The following DNAH8 variants were observed in gnomAD, a reference collection of about 807,000 sequenced individuals.
The protein encoded by DNAH8 is dynein axonemal heavy chain 8.
In DNAH8, 382 loss-of-function variants were observed where a neutral mutation model predicts 562.1. That is an observed-to-expected ratio of 0.68 (90% CI 0.63 to 0.74). DNAH8 has a LOEUF of 0.74. Among genes scored for constraint, DNAH8 ranks in the 30% least tolerant of loss-of-function variants. The pLI is 0.00. For synonymous variants in DNAH8, 1,881 were observed against 1,919.4 expected (o/e 0.98, Z 0.52); for missense variants, 5,203 against 5,620.4 (o/e 0.93, Z 2.37).
intron 45 of DNAH8, among the ~76,000 whole-genome samples, 159 bp from the exon 46 acceptor site, chr6:38,866,432 C>A (rs1365851222): frequency 1.3e-5 from 2 of 151,988 alleles, no homozygotes; most frequent in Non-Finnish European, 2.9e-5. Context: ...TATTAATATA[C>A]ATGGTCTAAT....
At chr6:39,026,333 G>T (rs1767277053) in intron 91 of DNAH8, among the ~76,000 whole-genome samples, 1 of 152,136 alleles carries the variant, frequency 6.6e-6, no homozygotes, top group Non-Finnish European at 1.5e-5. Context: ...CTGCTTTCCT[G>T]CTGTCAGCAG....
At chr6:38,966,246 T>C (rs1477393632) in intron 82 of DNAH8, among the ~76,000 whole-genome samples, 3 of 152,012 alleles carry the variant, frequency 2.0e-5, no homozygotes, top group African/African-American at 7.2e-5. Flanking sequence ...ATAACCTAGA[T>C]GAAATGGAAA....
At chr6:38,925,325 T>C (rs1374048711) in intron 73 of DNAH8, among the ~76,000 whole-genome samples, 2 of 144,902 alleles carry the variant, frequency 1.4e-5, no homozygotes, top group Non-Finnish European at 3.0e-5. Flanking sequence ...TTTTATTTTA[T>C]TTTATTTTAT....
chr6:38,715,436 C>A (rs1228184539), intron 1 of DNAH8, 21 bp downstream of exon 1: 2 of 152,506 alleles, frequency 1.3e-5, no homozygotes, highest in Admixed American at 6.5e-5. Context: ...GGTCGGAGCG[C>A]GCTGTGAGCG....
chr6:38,919,980 C>T (rs1475891305), intron 70 of DNAH8, among the ~76,000 whole-genome samples: 2 of 152,092 alleles, frequency 1.3e-5, no homozygotes, highest in Non-Finnish European at 2.9e-5. Flanking sequence ...ATGAGCAAAT[C>T]TAAGAACCTA....
chr6:38,770,317 T>A, intron 11 of DNAH8, 96 bp from the exon 12 acceptor site: 1 of 667,310 alleles, frequency 1.5e-6, no homozygotes, highest in Non-Finnish European at 2.4e-6. Context: ...ATTTTCACAG[T>A]TTGATCAGTT....
rs566236960 is a variant in DNAH8 at position 38,729,844 on chromosome 6, A to T, written c.526-58A>T. On this transcript the variant is annotated intron_variant, in intron 3 of 92. Coordinates refer to ENST00000327475, the MANE Select transcript of DNAH8 (RefSeq NM_001206927.2). The stretch of plus-strand genomic sequence containing the variant: ...TTTGAGCTTCATCTTCTTCATCTGC[A>T]AAATACTAAGAATTTTTCCTTAGTC... The T allele has an allele frequency of 3.1e-5, 29 of 946,472 alleles. No individual in the cohort carries two copies. The African/African-American group carries it at 4.4e-4, about 14-fold the overall frequency. The allele number at this position is 946,472 out of a possible 1,614,324, so 58.6% of individuals were successfully genotyped here. A position where few individuals can be genotyped will look rare whatever the true frequency, so the allele number is the denominator to read the frequency against.
chr6:38,781,435 A>G lies in DNAH8; in HGVS notation c.2259+62A>G, dbSNP rs1738251. The G allele has an allele frequency of 0.11, 125,193 of 1,175,654 alleles. 10,887 individuals carry two copies. Among genetic ancestry groups the G allele is most frequent in the East Asian group, 0.46 (19,670 of 42,746 alleles). The allele number at this position is 1,175,654 out of a possible 1,614,324, so 72.8% of individuals were successfully genotyped here. A position where few individuals can be genotyped will look rare whatever the true frequency, so the allele number is the denominator to read the frequency against. ...GTGGTTTTAATATAACAAATATATC[A>G]TATCCTATAATATTTGTGTGCATTA... On this transcript the variant is annotated intron_variant, in intron 16 of 92. Transcript: ENST00000327475.
Position 38,823,410 on chromosome 6 carries a change from G to A in DNAH8, c.3721-152G>A, listed in dbSNP as rs542136815. 2.8e-5 allele frequency: 17 copies of A among 607,724 alleles called. No individual in the cohort carries two copies. In the East Asian group the frequency reaches 4.3e-4, roughly 15 times the overall value. 37.6% of individuals were successfully genotyped at this position (607,724 alleles called of 1,614,324 possible). ...TGCCCTGCAGACTGTGAAATTCCTC[G>A]CTTCCTGGTGGACACCCTATTTCTT... On this transcript the variant is annotated intron_variant, in intron 27 of 92. Coordinates refer to ENST00000327475, the MANE Select transcript of DNAH8 (RefSeq NM_001206927.2).
chr6:38,793,557 T>G (rs1016457986), intron 21 of DNAH8, among the ~76,000 whole-genome samples: 2 of 152,230 alleles, frequency 1.3e-5, no homozygotes, highest in Non-Finnish European at 1.5e-5. Context: ...TAAAGAACAT[T>G]TAACTGTGTT....
At position 39,012,506 on chromosome 6, in the gene DNAH8, G is replaced by A; in HGVS notation, c.13583G>A (p.Arg4528Lys). The A allele has an allele frequency of 1.2e-6, 2 of 1,614,134 alleles. No homozygotes were observed. The highest frequency in any genetic ancestry group is 2.2e-5 in the South Asian group (2 of 91,076). Residue 4528 changes from arginine (R) to lysine (K), a missense_variant, in exon 91 of 93, where the codon AGA becomes AAA. Arg to Lys is a conservative substitution (Grantham distance 26, BLOSUM62 2). Around this residue, in one of 6 missense-constraint regions of DNAH8, gnomAD observed 1,399 missense variants for 1,518.4 expected, o/e 0.92. Transcript: ENST00000327475. ...YDARIPQLWK[R>K]VSWDSSTLGF... ...GCTCGTATACCTCAGCTCTGGAAAAGAGTGTCTTGGGATTCGTCCACACTG... is the reference window on the plus strand; with the variant it reads ...GCTCGTATACCTCAGCTCTGGAAAAAAGTGTCTTGGGATTCGTCCACACTG...
In DNAH8 at chr6:38,759,885, C is replaced by G. The variant is rs142621879; in HGVS notation, c.1516-1817C>G. Among the ~76,000 whole-genome samples, 555 of 152,224 alleles carry G rather than the reference C, an allele frequency of 3.6e-3. 3 individuals carry two copies. The highest frequency in any genetic ancestry group is 0.013 in the African/African-American group (528 of 41,520). On this transcript the variant is annotated intron_variant, in intron 10 of 92. Transcript: ENST00000327475. ...CCCTTGGCTATACATTCCTGCTTGC[C>G]CATGCTGTGTTCAGAGTTGAGCCCA... is the stretch of plus-strand genomic sequence containing the variant.
intron 49 of DNAH8, 105 bp from the exon 50 acceptor site, chr6:38,872,431 C>G: frequency 7.9e-7 from 1 of 1,261,420 alleles, no homozygotes; most frequent in Non-Finnish European, 1.1e-6. Flanking sequence ...GAACTAGTTA[C>G]GTTAATGAAG....
Position 39,004,476 on chromosome 6 carries a change from T to A in DNAH8, c.13215-4338T>A, listed in dbSNP as rs1490201125. On this transcript the variant is annotated intron_variant, in intron 88 of 92. Coordinates refer to ENST00000327475, the MANE Select transcript of DNAH8 (RefSeq NM_001206927.2). Reference sequence around the variant, plus strand: ...GTATACTCCACCATGAGGGGGACATTCTTTTATGGATGATAAACTCTTCTA... The same window carrying A: ...GTATACTCCACCATGAGGGGGACATACTTTTATGGATGATAAACTCTTCTA... Among the ~76,000 whole-genome samples, 2 of 152,214 alleles carry A rather than the reference T, an allele frequency of 1.3e-5. 1 individual carries two copies. The highest frequency in any genetic ancestry group is 2.9e-5 in the Non-Finnish European group (2 of 68,040).
intron 57 of DNAH8, among the ~76,000 whole-genome samples, chr6:38,889,683 T>C (rs532003769): frequency 2.6e-5 from 4 of 152,316 alleles, no homozygotes; most frequent in African/African-American, 9.6e-5. Context: ...TCATGCTTCT[T>C]ATAACATGGT....
intron 24 of DNAH8, among the ~76,000 whole-genome samples, chr6:38,810,178 T>A (rs1011247792): frequency 5.9e-5 from 9 of 152,242 alleles, no homozygotes; most frequent in African/African-American, 2.2e-4. Flanking sequence ...TTTCTTTGAT[T>A]CATTTCATTA....
At position 38,851,690 on chromosome 6, in the gene DNAH8, C is replaced by T; in HGVS notation, c.5466+16C>T. The T allele has an allele frequency of 2.6e-6, 4 of 1,524,596 alleles. No homozygotes were observed. Among genetic ancestry groups the T allele is most frequent in the Non-Finnish European group, 3.6e-6 (4 of 1,105,758 alleles). The allele number at this position is 1,524,596 out of a possible 1,614,324, so 94.4% of individuals were successfully genotyped here. A position where few individuals can be genotyped will look rare whatever the true frequency, so the allele number is the denominator to read the frequency against. On this transcript the variant is annotated intron_variant, in intron 39 of 92. Coordinates refer to ENST00000327475, the MANE Select transcript of DNAH8 (RefSeq NM_001206927.2). ...CACCATACAGGTATAATCTAAGAAT[C>T]TGTGATCTAACTTGCTTTTCCCACG... is the stretch of plus-strand genomic sequence containing the variant.
Position 38,949,581 on chromosome 6 carries a change from G to A in DNAH8, c.12248+11G>A, listed in dbSNP as rs759183026. On this transcript the variant is annotated intron_variant, in intron 81 of 92. Transcript: ENST00000327475. ...ACTTTTACTTATCAGGTGAGAACAG[G>A]CATTATCAGACCTAGAAGCATCACT... is the stretch of plus-strand genomic sequence containing the variant. 3.5e-6 allele frequency: 5 copies of A among 1,436,674 alleles called. No homozygotes were observed. Among genetic ancestry groups the A allele is most frequent in the South Asian group, 3.4e-5 (3 of 87,112 alleles). The allele number at this position is 1,436,674 out of a possible 1,614,324, so 89.0% of individuals were successfully genotyped here.
intron 12 of DNAH8, among the ~76,000 whole-genome samples, chr6:38,775,015 T>A (rs1463617794): frequency 1.3e-5 from 2 of 152,162 alleles, no homozygotes; most frequent in East Asian, 3.9e-4. Context: ...GGATCAGTGG[T>A]GGTGTCTTCA....
Sources: allele counts gnomAD v4.1 joint callset (sites outside exome capture counted in the v4.1 genomes callset), GRCh38; gene constraint gnomAD v4.1.1; regional missense constraint gnomAD v4.1.1; transcripts MANE v1.5; gene names NCBI Gene and HGNC (gene_info 2026-07-23, HGNC 2026-07-21).